PTK2: variants seen among roughly 807,000 people sequenced by gnomAD.
PTK2 encodes the protein protein tyrosine kinase 2, also known as focal adhesion kinase 1.
A neutral mutation model predicts 150.1 loss-of-function variants in PTK2; 45 were observed. The ratio of observed to expected loss-of-function variants is 0.30; its 90% CI spans 0.24 to 0.38. The LOEUF (loss-of-function observed/expected upper bound fraction) is 0.38, where lower values mean the gene tolerates loss of function less well. Among genes scored for constraint, PTK2 ranks in the 10% least tolerant of loss-of-function variants. The pLI is 1.00. For synonymous variants in PTK2, 432 were observed against 449.2 expected (o/e 0.96, Z 0.48); for missense variants, 919 against 1,307.3 (o/e 0.70, Z 4.58).
chr8:140,660,717 C>G, intron 31 of PTK2: 1 of 428,326 alleles, frequency 2.3e-6, no homozygotes. Flanking sequence ...CAGAGCCAGA[C>G]CATTATGTAC....
chr8:140,934,843 C>G (rs923862521), intron 1 of PTK2, among the ~76,000 whole-genome samples: 4 of 150,404 alleles, frequency 2.7e-5, no homozygotes, highest in Non-Finnish European at 5.9e-5. Context: ...GAAAACAACT[C>G]TCTATTGATC....
At chr8:140,731,061 G>A (rs2100049005) in intron 22 of PTK2, among the ~76,000 whole-genome samples, 1 of 147,862 alleles carries the variant, frequency 6.8e-6, no homozygotes, top group South Asian at 2.2e-4. Context: ...CCAGGTTCAA[G>A]CGACTCTCTT....
chr8:140,870,032 G>A (rs1205167851), intron 4 of PTK2, among the ~76,000 whole-genome samples: 2 of 151,852 alleles, frequency 1.3e-5, no homozygotes, highest in Non-Finnish European at 2.9e-5. Flanking sequence ...ATGACGATAA[G>A]CTTGAAAAAA....
rs546010305 is a variant in PTK2 at position 140,730,126 on chromosome 8, G to C, written c.2030+5125C>G. Among the ~76,000 whole-genome samples, 23 of 151,698 alleles carry C rather than the reference G, an allele frequency of 1.5e-4. No homozygotes were observed. The South Asian group carries it at 2.1e-3, about 14-fold the overall frequency. ...ATTCCTAAAGAGCTCAATGATAGAAGACCAGTTCAAAATCATGGACTGCTT... is the reference window on the plus strand; with the variant it reads ...ATTCCTAAAGAGCTCAATGATAGAACACCAGTTCAAAATCATGGACTGCTT... On this transcript the variant is annotated intron_variant, in intron 22 of 31. Coordinates refer to ENST00000522684, the Ensembl canonical transcript of PTK2.
intron 1 of PTK2, chr8:140,984,094 G>T: frequency 6.3e-6 from 1 of 158,002 alleles, no homozygotes; most frequent in South Asian, 1.7e-4. Context: ...GGCAGAGGTT[G>T]CAGTCAGCCG....
intron 26 of PTK2, among the ~76,000 whole-genome samples, chr8:140,700,362 G>C (rs1042722397): frequency 6.6e-6 from 1 of 152,004 alleles, no homozygotes; most frequent in African/African-American, 2.4e-5. Context: ...TGTAGAGACA[G>C]GGTCTTGCTG....
At chr8:140,660,148 A>C (rs1181076109) in intron 31 of PTK2, among the ~76,000 whole-genome samples, 2 of 152,134 alleles carry the variant, frequency 1.3e-5, no homozygotes, top group African/African-American at 4.8e-5. Flanking sequence ...ACCATGACTA[A>C]CTTCGTCTCC....
At chr8:140,905,768 G>T (rs1353307109) in intron 2 of PTK2, among the ~76,000 whole-genome samples, 1 of 152,056 alleles carries the variant, frequency 6.6e-6, no homozygotes, top group Non-Finnish European at 1.5e-5. Flanking sequence ...CAACATAATT[G>T]AAAGTAAAAT....
At chr8:140,754,499 C>T (rs150114499) in intron 16 of PTK2, among the ~76,000 whole-genome samples, 1 of 152,028 alleles carries the variant, frequency 6.6e-6, no homozygotes, top group African/African-American at 2.4e-5. Context: ...TAAAACTGAC[C>T]GAAAATGTCC....
chr8:140,686,354 C>T (rs1033635270), intron 27 of PTK2, among the ~76,000 whole-genome samples: 3 of 151,738 alleles, frequency 2.0e-5, no homozygotes, highest in Non-Finnish European at 2.9e-5. Flanking sequence ...TTGCAACATG[C>T]GATTTCCTTA....
chr8:140,930,891 T>C (rs1306704218), intron 1 of PTK2, among the ~76,000 whole-genome samples: 1 of 151,960 alleles, frequency 6.6e-6, no homozygotes, highest in Admixed American at 6.6e-5. Flanking sequence ...CTGAGTAACA[T>C]GGTGAAACCC....
At chr8:140,742,281 C>G (rs1314184883) in intron 20 of PTK2, among the ~76,000 whole-genome samples, 1 of 152,198 alleles carries the variant, frequency 6.6e-6, no homozygotes, top group Admixed American at 6.5e-5. Context: ...GGTGTGTCTA[C>G]TGATTGAAAG....
intron 5 of PTK2, among the ~76,000 whole-genome samples, chr8:140,857,484 TGCTAAAG>T (rs1472364031): frequency 6.6e-6 from 1 of 152,154 alleles, no homozygotes; most frequent in Admixed American, 6.5e-5. Context: ...CCAACAGTAT[TGCTAAAG>T]GGACCTGCTA....
At chr8:140,687,692 G>C (rs1484822213) in intron 26 of PTK2, among the ~76,000 whole-genome samples, 1 of 152,042 alleles carries the variant, frequency 6.6e-6, no homozygotes, top group African/African-American at 2.4e-5. Flanking sequence ...CCTTTTCATT[G>C]TATCAGTTCC....
At chr8:140,974,796 T>C (rs1157146202) in intron 1 of PTK2, among the ~76,000 whole-genome samples, 1 of 152,186 alleles carries the variant, frequency 6.6e-6, no homozygotes, top group Non-Finnish European at 1.5e-5. Flanking sequence ...CAATTCTGCT[T>C]AGAATTTCAG....
intron 1 of PTK2, among the ~76,000 whole-genome samples, chr8:140,957,425 T>C (rs939137157): frequency 3.9e-5 from 6 of 152,210 alleles, no homozygotes; most frequent in African/African-American, 1.4e-4. Flanking sequence ...AAAATAGTCA[T>C]AAGTTTAAAA....
intron 10 of PTK2, among the ~76,000 whole-genome samples, chr8:140,817,899 T>C (rs977164602): frequency 6.6e-5 from 10 of 152,134 alleles, no homozygotes; most frequent in African/African-American, 2.2e-4. Flanking sequence ...ATGTATAATT[T>C]TTTTTTTTCC....
intron 22 of PTK2, among the ~76,000 whole-genome samples, chr8:140,719,046 C>T (rs948170960): frequency 3.3e-5 from 5 of 151,954 alleles, no homozygotes; most frequent in African/African-American, 4.8e-5. Context: ...TGTGGTGGCG[C>T]GTGCCTGTAG....
chr8:140,789,937 T>C (rs189476363), intron 13 of PTK2, among the ~76,000 whole-genome samples: 375 of 152,310 alleles, frequency 2.5e-3, no homozygotes, highest in African/African-American at 6.5e-3. Context: ...TACTACAGTA[T>C]GACTGGTCTT....
Sources: allele counts gnomAD v4.1 joint callset (sites outside exome capture counted in the v4.1 genomes callset), GRCh38; gene constraint gnomAD v4.1.1; transcripts MANE v1.5; gene names NCBI Gene and HGNC (gene_info 2026-07-23, HGNC 2026-07-21).